TIMP2: variants seen among roughly 807,000 people sequenced by gnomAD.
TIMP2 encodes the protein metalloproteinase inhibitor 2.
In TIMP2, 5 loss-of-function variants were observed where a neutral mutation model predicts 24.3. That is an observed-to-expected ratio of 0.21 (90% confidence interval 0.11 to 0.43). The LOEUF (loss-of-function observed/expected upper bound fraction) is 0.43, where lower values mean the gene tolerates loss of function less well. TIMP2 is among the 20% of genes least tolerant of loss of function. The pLI, the probability that TIMP2 is intolerant of heterozygous loss-of-function variation, is 1.00. For missense variants in TIMP2, 221 were observed against 297.5 expected, an observed-to-expected ratio of 0.74 and a Z score of 1.89; for synonymous variants, 130 against 123.2, an observed-to-expected ratio of 1.06 and a Z score of -0.37.
At chr17:78,856,902 T>C (rs2069528380) in intron 4 of TIMP2, 1 of 152,412 alleles carries the variant, frequency 6.6e-6, no homozygotes, top group African/African-American at 2.4e-5. Context: ...ATATTCTCTC[T>C]CCCCATACAG....
chr17:78,861,671 C>T (rs2069568322), intron 3 of TIMP2, among the ~76,000 whole-genome samples: 3 of 150,922 alleles, frequency 2.0e-5, no homozygotes, highest in Non-Finnish European at 2.9e-5. Flanking sequence ...GGTGCCATCT[C>T]GACTCACTGG....
intron 1 of TIMP2, 105 bp from the exon 2 acceptor site, chr17:78,874,024 C>G (rs55955357): frequency 0.17 from 167,991 of 1,001,162 alleles, 14,954 homozygotes; most frequent in South Asian, 0.24. Flanking sequence ...TGGGGGGTTA[C>G]AGACAGCAGC....
At chr17:78,872,100 C>T (rs2069690623) in intron 2 of TIMP2, among the ~76,000 whole-genome samples, 1 of 151,650 alleles carries the variant, frequency 6.6e-6, no homozygotes, top group Non-Finnish European at 1.5e-5. Context: ...GTGATCCTCC[C>T]ACCTCAGCCT....
intron 1 of TIMP2, among the ~76,000 whole-genome samples, chr17:78,921,989 C>T (rs1377941103): frequency 6.6e-6 from 1 of 152,220 alleles, no homozygotes; most frequent in African/African-American, 2.4e-5. Flanking sequence ...TGCCACATAA[C>T]AAGCCAGCCT....
intron 1 of TIMP2, chr17:78,892,321 T>TC (rs1473180015): frequency 1.3e-6 from 2 of 1,550,498 alleles, no homozygotes; most frequent in Non-Finnish European, 1.7e-6. Flanking sequence ...GCCACATGGC[T>TC]CCATCCATGT....
chr17:78,897,567 G>GTGA (rs754202691), intron 1 of TIMP2: 1 of 152,240 alleles, frequency 6.6e-6, no homozygotes, highest in Non-Finnish European at 1.5e-5. Flanking sequence ...GACTCTCAAT[G>GTGA]TGATACTAGC....
chr17:78,888,997 A>G (rs921471690), intron 1 of TIMP2, among the ~76,000 whole-genome samples: 1 of 152,218 alleles, frequency 6.6e-6, no homozygotes, highest in Non-Finnish European at 1.5e-5. Flanking sequence ...ATCCTAGTAC[A>G]GGGATCAGCA....
intron 3 of TIMP2, among the ~76,000 whole-genome samples, chr17:78,863,831 G>C (rs2069586509): frequency 6.6e-6 from 1 of 152,116 alleles, no homozygotes; most frequent in African/African-American, 2.4e-5. Flanking sequence ...GCATCTCTGT[G>C]ATCATCATTT....
chr17:78,868,683 T>C (rs1346728390), intron 3 of TIMP2, among the ~76,000 whole-genome samples: 1 of 152,156 alleles, frequency 6.6e-6, no homozygotes, highest in African/African-American at 2.4e-5. Flanking sequence ...GCTGTTTACA[T>C]TTATACTAAA....
intron 1 of TIMP2, among the ~76,000 whole-genome samples, chr17:78,881,684 C>A (rs1189868767): frequency 1.3e-5 from 2 of 152,274 alleles, no homozygotes; most frequent in African/African-American, 4.8e-5. Context: ...TGAAACCCAA[C>A]CTCCACTTAC....
At chr17:78,900,022 G>A (rs540076340) in intron 1 of TIMP2, 68 of 152,302 alleles carry the variant, frequency 4.5e-4, no homozygotes, top group African/African-American at 1.5e-3. Flanking sequence ...AGGCGCCTAC[G>A]TAGAATATGT....
At chr17:78,894,503 A>G (rs997487339) in intron 1 of TIMP2, among the ~76,000 whole-genome samples, 2 of 152,162 alleles carry the variant, frequency 1.3e-5, no homozygotes, top group Admixed American at 1.3e-4. Context: ...CTTCAATGCA[A>G]TGATTGAGAT....
intron 1 of TIMP2, among the ~76,000 whole-genome samples, chr17:78,907,411 G>A (rs912280882): frequency 3.3e-5 from 5 of 152,194 alleles, no homozygotes; most frequent in African/African-American, 1.2e-4. Context: ...GGCAGAGAGA[G>A]AGAGACCAGA....
intron 1 of TIMP2, among the ~76,000 whole-genome samples, chr17:78,916,183 C>A (rs1344975162): frequency 6.6e-6 from 1 of 152,174 alleles, no homozygotes; most frequent in Non-Finnish European, 1.5e-5. Context: ...AGGAAATTCG[C>A]CTCTCCTTTT....
At chr17:78,892,089 C>T (rs988857102) in intron 1 of TIMP2, 2 of 1,551,898 alleles carry the variant, frequency 1.3e-6, no homozygotes, top group Admixed American at 3.9e-5. Flanking sequence ...CCTCCCCAGC[C>T]CAACAGACGT....
At chr17:78,877,028 G>A (rs899030458) in intron 1 of TIMP2, among the ~76,000 whole-genome samples, 1 of 152,162 alleles carries the variant, frequency 6.6e-6, no homozygotes, top group Non-Finnish European at 1.5e-5. Flanking sequence ...CAGGGCCCTG[G>A]GAGGTCCTAA....
intron 1 of TIMP2, among the ~76,000 whole-genome samples, chr17:78,911,776 T>C (rs1432399478): frequency 2.6e-5 from 4 of 151,526 alleles, no homozygotes; most frequent in Non-Finnish European, 4.4e-5. Context: ...CAGGGTGTGG[T>C]GGCTCACGCC....
rs373168071 is a variant in TIMP2, at chr17:78,863,713, C to A, written c.341-6067G>T. 8.5e-5 allele frequency among the ~76,000 whole-genome samples: 13 copies of A among 152,256 alleles called. No individual in the cohort carries two copies. The South Asian group carries it at 2.7e-3, about 32-fold the overall frequency. On this transcript the variant is annotated intron_variant, in intron 3 of 4. Coordinates refer to ENST00000262768, the MANE Select transcript of TIMP2 (RefSeq NM_003255.5). ...TTCAGTATGACTCTCTGTATCGACT[C>A]ACCAGCTTTTCATGCAGTGCTGTGC...
At chr17:78,918,210 C>T (rs541545927) in intron 1 of TIMP2, among the ~76,000 whole-genome samples, 264 of 152,260 alleles carry the variant, frequency 1.7e-3, no homozygotes, top group African/African-American at 6.1e-3. Flanking sequence ...AAAGACTGTT[C>T]CTCAATTTGC....
Sources: allele counts gnomAD v4.1 joint callset (sites outside exome capture counted in the v4.1 genomes callset), GRCh38; gene constraint gnomAD v4.1.1; transcripts MANE v1.5; gene names NCBI Gene and HGNC (gene_info 2026-07-23, HGNC 2026-07-21).